Variants in GLIPR2 observed in about 807,000 individuals in gnomAD.
GLIPR2 encodes the protein Golgi-associated plant pathogenesis-related protein 1.
In GLIPR2, 21 loss-of-function variants were observed where a neutral mutation model predicts 20.4. That is an observed-to-expected ratio of 1.03 (90% CI 0.73 to 1.48). GLIPR2 has a LOEUF of 1.48. Among genes scored for constraint, GLIPR2 ranks in the 40% most tolerant of loss-of-function variants. GLIPR2 has a pLI of 0.00. For synonymous variants in GLIPR2, 91 were observed against 80.5 expected (o/e 1.13, Z -0.70); for missense variants, 205 against 200.1 (o/e 1.02, Z -0.15).
chr9:36,141,939 C>A (rs1213284932), intron 1 of GLIPR2: 2 of 451,258 alleles, frequency 4.4e-6, no homozygotes, highest in Non-Finnish European at 8.9e-6. Context: ...ATACCCTCCA[C>A]CCCAGCAGAG....
chr9:36,138,213 T>A (rs1824913528), intron 1 of GLIPR2, among the ~76,000 whole-genome samples: 1 of 151,886 alleles, frequency 6.6e-6, no homozygotes, highest in African/African-American at 2.4e-5. Context: ...ACAAATTCCC[T>A]TAGGCTACTT....
At position 36,143,631 on chromosome 9, in the gene GLIPR2, C is replaced by T. The variant is rs553481350; in HGVS notation, c.14-4155C>T. On this transcript the variant is annotated intron_variant, in intron 1 of 4. Transcript: ENST00000377960. ...GAAGCTTGTTTGGGAAACTCCTGCA[C>T]GTCTTGGGTCAGTTGTTCATCTTGT... 1.6e-3 allele frequency among the ~76,000 whole-genome samples: 244 copies of T among 152,290 alleles called. 2 individuals are homozygous for T. The highest frequency in any genetic ancestry group is 5.5e-3 in the African/African-American group (230 of 41,574).
At position 36,150,950 on chromosome 9, in the gene GLIPR2, G is replaced by A; in HGVS notation, c.304+1G>A. ...CAGCCTGGCTTCACCTCGGGGACTG[G>A]TGAGTGGCAGGGTCTCACCAGTGGC... is the stretch of plus-strand genomic sequence containing the variant. On this transcript the variant is annotated splice_donor_variant, in intron 4 of 4. Transcript: ENST00000377960. LOFTEE classifies it high-confidence loss of function. The A allele has an allele frequency of 1.2e-6, 2 of 1,611,864 alleles. No homozygotes were observed. Among genetic ancestry groups the A allele is most frequent in the Non-Finnish European group, 1.7e-6 (2 of 1,177,944 alleles).
intron 2 of GLIPR2, 112 bp from the exon 3 acceptor site, chr9:36,148,435 T>C (rs543375268): frequency 7.2e-6 from 5 of 694,572 alleles, no homozygotes; most frequent in South Asian, 1.7e-5. Context: ...AGAGTGGTGC[T>C]CCTCTGTGAG....
intron 4 of GLIPR2, among the ~76,000 whole-genome samples, chr9:36,160,043 A>G (rs17778964): frequency 0.21 from 31,838 of 152,130 alleles, 3,470 homozygotes; most frequent in South Asian, 0.29. Flanking sequence ...CCAAGGGACA[A>G]GAAGCTGTTG....
At chr9:36,142,117 G>A (rs918415720) in intron 1 of GLIPR2, among the ~76,000 whole-genome samples, 1 of 152,208 alleles carries the variant, frequency 6.6e-6, no homozygotes, top group Non-Finnish European at 1.5e-5. Flanking sequence ...GCTTGGCACA[G>A]AGGAGGCTCT....
chr9:36,155,321 G>A (rs891725678), intron 4 of GLIPR2, among the ~76,000 whole-genome samples: 13 of 152,210 alleles, frequency 8.5e-5, no homozygotes, highest in South Asian at 6.2e-4. Flanking sequence ...ATGGCTGGGC[G>A]TGGTGGCTCA....
At position 36,148,545 on chromosome 9, in the gene GLIPR2, A is replaced by G; in HGVS notation, c.123-2A>G. On this transcript the variant is annotated splice_acceptor_variant, in intron 2 of 4. Transcript: ENST00000377960. LOFTEE classifies it high-confidence loss of function. Reference sequence around the variant, plus strand: ...TCTGAGGAGGCGCTGTGAACTCTGCAGGTATTCTGAGGCCCTGGCCAGCAC... The same window carrying G: ...TCTGAGGAGGCGCTGTGAACTCTGCGGGTATTCTGAGGCCCTGGCCAGCAC... 1 of 1,611,786 alleles carries G rather than the reference A, an allele frequency of 6.2e-7. No homozygotes were observed. Among genetic ancestry groups the G allele is most frequent in the South Asian group, 1.1e-5 (1 of 91,052 alleles).
intron 4 of GLIPR2, among the ~76,000 whole-genome samples, chr9:36,158,776 G>T (rs534913527): frequency 1.3e-5 from 2 of 152,214 alleles, no homozygotes; most frequent in Admixed American, 1.3e-4. Context: ...CAAGAAATAA[G>T]AATTTAGGCC....
At chr9:36,153,490 G>A (rs1342193242) in intron 4 of GLIPR2, among the ~76,000 whole-genome samples, 1 of 152,168 alleles carries the variant, frequency 6.6e-6, no homozygotes. Context: ...GACCCTTAAA[G>A]ATCTTCATGC....
intron 4 of GLIPR2, among the ~76,000 whole-genome samples, chr9:36,152,033 C>T (rs1825608316): frequency 6.6e-6 from 1 of 152,204 alleles, no homozygotes; most frequent in Non-Finnish European, 1.5e-5. Flanking sequence ...GCGCCAGTCA[C>T]CGTTTCCTGT....
Position 36,147,783 on chromosome 9 carries a change from C to T in GLIPR2, c.14-3C>T. 7.2e-7 allele frequency: 1 copy of T among 1,382,188 alleles called. No homozygotes were observed. The highest frequency in any genetic ancestry group is 1.0e-6 in the Non-Finnish European group (1 of 968,306). 85.6% of individuals were successfully genotyped at this position (1,382,188 alleles called of 1,614,324 possible). ...GCCATTCTCCATTTTGCAATCATTC[C>T]AGCTTCCAAACAGTTTCATAATGAG... On this transcript the variant is annotated splice_region_variant and splice_polypyrimidine_tract_variant and intron_variant, in intron 1 of 4. Coordinates refer to ENST00000377960, the MANE Select transcript of GLIPR2 (RefSeq NM_022343.4).
rs1211874837 is a variant in GLIPR2, at chr9:36,163,707, G to A, written c.*1185G>A. 1 of 152,690 alleles carries A rather than the reference G, an allele frequency of 6.5e-6. No homozygotes were observed. The highest frequency in any genetic ancestry group is 2.4e-5 in the African/African-American group (1 of 41,458). The allele number at this position is 152,690 out of a possible 1,614,324, so 9.5% of individuals were successfully genotyped here. A position where few individuals can be genotyped will look rare whatever the true frequency, so the allele number is the denominator to read the frequency against. ...CCCAGATGCCCTGCTGAGTGTCCCT[G>A]AAACCATGGCAGCTCCATCTGTCAA... On this transcript the variant is annotated 3_prime_UTR_variant, in exon 5 of 5. Transcript: ENST00000377960.
At chr9:36,136,615 C>T, upstream of GLIPR2, 1 of 433,250 alleles carries the variant, frequency 2.3e-6, no homozygotes, top group Non-Finnish European at 3.7e-6. The surrounding 1 kb of genome is among the most constrained non-coding windows in gnomAD (Gnocchi z 4.3). Flanking sequence ...CGGGGTGGCC[C>T]CGGGCGCCTC....
chr9:36,157,375 C>T (rs1825879728), intron 4 of GLIPR2, among the ~76,000 whole-genome samples: 2 of 151,086 alleles, frequency 1.3e-5, no homozygotes, highest in African/African-American at 4.9e-5. Flanking sequence ...GAGATGGAGT[C>T]TCATTCTGTC....
intron 1 of GLIPR2, among the ~76,000 whole-genome samples, chr9:36,139,059 AG>A (rs1219497388): frequency 1.3e-5 from 2 of 152,096 alleles, no homozygotes; most frequent in Non-Finnish European, 2.9e-5. Flanking sequence ...AGAGGCATCC[AG>A]GGCAGGGTGG....
chr9:36,160,859 T>G (rs938493902), intron 4 of GLIPR2, among the ~76,000 whole-genome samples: 1 of 151,950 alleles, frequency 6.6e-6, no homozygotes, highest in African/African-American at 2.4e-5. Flanking sequence ...CTGGACAACA[T>G]GGTGAAACCT....
intron 1 of GLIPR2, among the ~76,000 whole-genome samples, chr9:36,137,304 C>A (rs1327849606): frequency 6.6e-6 from 1 of 152,184 alleles, no homozygotes; most frequent in Non-Finnish European, 1.5e-5. Context: ...CTGTGGCTGT[C>A]GGGATGAACT....
intron 1 of GLIPR2, among the ~76,000 whole-genome samples, chr9:36,143,783 A>G (rs1825196995): frequency 6.6e-6 from 1 of 152,144 alleles, no homozygotes; most frequent in African/African-American, 2.4e-5. Flanking sequence ...CTTCAGTGGT[A>G]GAGAGCTCAC....
Sources: gnomAD v4.1 joint callset for allele counts (sites outside exome capture counted in the v4.1 genomes callset) on GRCh38, gnomAD v4.1.1 for gene constraint, Gnocchi (gnomAD v3.1) non-coding constraint, MANE v1.5 for transcripts, NCBI Gene and HGNC (gene_info 2026-07-23, HGNC 2026-07-21) for gene names.